The following THSD7A variants were observed in gnomAD, a reference collection of about 807,000 sequenced individuals.
The protein encoded by THSD7A is thrombospondin type 1 domain containing 7A.
Under a neutral mutation model 231.3 loss-of-function variants are expected in THSD7A, and 96 were observed. The ratio of observed to expected loss-of-function variants is 0.41; its 90% CI spans 0.35 to 0.49. The LOEUF (loss-of-function observed/expected upper bound fraction) is 0.49, where lower values mean the gene tolerates loss of function less well. Among genes scored for constraint, THSD7A ranks in the 20% least tolerant of loss-of-function variants. The probability of loss-of-function intolerance (pLI) is 0.05; values close to 1 mark genes in which losing one functional copy is unlikely to be tolerated. For synonymous variants in THSD7A, 940 were observed against 743.3 expected (o/e 1.26, Z -4.30); for missense variants, 2,290 against 2,070.2 (o/e 1.11, Z -2.06).
intron 1 of THSD7A, among the ~76,000 whole-genome samples, chr7:11,683,120 C>CAA (rs71027424): frequency 0.053 from 5,229 of 99,494 alleles, 345 homozygotes; most frequent in African/African-American, 0.17. Context: ...GACTCCATCT[C>CAA]AAAAAAAAAA....
chr7:11,666,946 A>G (rs1783158356), intron 1 of THSD7A, among the ~76,000 whole-genome samples: 1 of 152,154 alleles, frequency 6.6e-6, no homozygotes, highest in South Asian at 2.1e-4. Context: ...TAAAATGTAT[A>G]CAGTTATCCA....
intron 4 of THSD7A, among the ~76,000 whole-genome samples, chr7:11,577,544 T>C (rs1372115709): frequency 6.6e-6 from 1 of 151,878 alleles, no homozygotes; most frequent in Non-Finnish European, 1.5e-5. Flanking sequence ...CTTGAACTCC[T>C]GGCTTCAAGT....
At chr7:11,727,786 T>A (rs1781598378) in intron 1 of THSD7A, among the ~76,000 whole-genome samples, 1 of 152,048 alleles carries the variant, frequency 6.6e-6, no homozygotes, top group Admixed American at 6.6e-5. Context: ...ATAAGATTAA[T>A]ATTTCTCTGA....
At chr7:11,656,235 A>G (rs578086537) in intron 1 of THSD7A, among the ~76,000 whole-genome samples, 5 of 152,046 alleles carry the variant, frequency 3.3e-5, no homozygotes, top group African/African-American at 9.6e-5. Context: ...TGCATGACAA[A>G]TGCTTTACAT....
chr7:11,562,017 C>T (rs1366234140), intron 4 of THSD7A, among the ~76,000 whole-genome samples: 6 of 152,148 alleles, frequency 3.9e-5, no homozygotes, highest in Non-Finnish European at 5.9e-5. Flanking sequence ...CACCCAACTC[C>T]TGGAAGTCTA....
chr7:11,390,881 G>A (rs1782954222), intron 23 of THSD7A, among the ~76,000 whole-genome samples: 1 of 152,244 alleles, frequency 6.6e-6, no homozygotes. Context: ...GAGTTTTCTG[G>A]AGGTCCACTC....
At chr7:11,450,607 C>A (rs944465153) in intron 11 of THSD7A, among the ~76,000 whole-genome samples, 1 of 152,002 alleles carries the variant, frequency 6.6e-6, no homozygotes, top group African/African-American at 2.4e-5. Context: ...AGGAAACCAT[C>A]TGGTCTCTCA....
chr7:11,464,334 G>C (rs1180814574), intron 9 of THSD7A, among the ~76,000 whole-genome samples: 3 of 152,032 alleles, frequency 2.0e-5, no homozygotes, highest in Non-Finnish European at 4.4e-5. Context: ...CCAATCTGCA[G>C]ATAGAGGACA....
intron 1 of THSD7A, among the ~76,000 whole-genome samples, chr7:11,765,470 A>G (rs189036763): frequency 8.7e-4 from 133 of 152,344 alleles, no homozygotes; most frequent in African/African-American, 3.1e-3. Context: ...GTACAGGTCA[A>G]AAGCAACAAA....
intron 1 of THSD7A, among the ~76,000 whole-genome samples, chr7:11,830,183 C>T (rs1025783565): frequency 6.6e-6 from 1 of 152,200 alleles, no homozygotes; most frequent in Non-Finnish European, 1.5e-5. Context: ...CCTACCATGA[C>T]ATTTATGATG....
chr7:11,595,744 C>T (rs183065142), intron 2 of THSD7A, among the ~76,000 whole-genome samples: 2 of 152,192 alleles, frequency 1.3e-5, no homozygotes, highest in African/African-American at 2.4e-5. Flanking sequence ...TATGTCAGAT[C>T]TAACAGTGGA....
At chr7:11,769,421 G>T (rs1783155555) in intron 1 of THSD7A, among the ~76,000 whole-genome samples, 1 of 151,634 alleles carries the variant, frequency 6.6e-6, no homozygotes. Context: ...CCTTGGCTGG[G>T]ACTTAAGGCA....
At chr7:11,790,161 GAA>G (rs1232667967) in intron 1 of THSD7A, among the ~76,000 whole-genome samples, 1 of 151,954 alleles carries the variant, frequency 6.6e-6, no homozygotes, top group Non-Finnish European at 1.5e-5. Flanking sequence ...TATTGAAGCT[GAA>G]AGTGTTGAAA....
intron 23 of THSD7A, among the ~76,000 whole-genome samples, chr7:11,397,685 A>G (rs149205975): frequency 1.7e-3 from 257 of 152,356 alleles, no homozygotes; most frequent in East Asian, 0.014. Context: ...TCCAGAATCT[A>G]CAAAGAACTT....
Position 11,590,156 on chromosome 7 carries a change from T to C in THSD7A, c.1453+304A>G, listed in dbSNP as rs78229799. Among the ~76,000 whole-genome samples the C allele has an allele frequency of 0.01, 1,583 of 152,340 alleles. 29 individuals carry two copies. The highest frequency in any genetic ancestry group is 0.036 in the African/African-American group (1,487 of 41,580). Reference sequence around the variant, plus strand: ...TGCATGATATGTGTATATTTACAGATAAATTTTCGTCTAGTTTTTACATTA... The same window carrying C: ...TGCATGATATGTGTATATTTACAGACAAATTTTCGTCTAGTTTTTACATTA... On this transcript the variant is annotated intron_variant, in intron 4 of 27. Coordinates refer to ENST00000423059, the MANE Select transcript of THSD7A (RefSeq NM_015204.3). The surrounding 1 kb of genome is among the most constrained non-coding windows in gnomAD (Gnocchi z 4.4).
chr7:11,653,563 A>G (rs1290737739), intron 1 of THSD7A, among the ~76,000 whole-genome samples: 1 of 150,134 alleles, frequency 6.7e-6, no homozygotes, highest in African/African-American at 2.5e-5. Context: ...CACAGGTGCA[A>G]TCATAGCACG....
chr7:11,657,143 G>T (rs1404816324), intron 1 of THSD7A, among the ~76,000 whole-genome samples: 1 of 151,712 alleles, frequency 6.6e-6, no homozygotes, highest in African/African-American at 2.4e-5. Flanking sequence ...TATTAATATT[G>T]AATATGTATA....
intron 6 of THSD7A, among the ~76,000 whole-genome samples, chr7:11,524,885 G>A (rs554496139): frequency 6.6e-6 from 1 of 152,132 alleles, no homozygotes; most frequent in African/African-American, 2.4e-5. Flanking sequence ...AAAAAGAAAG[G>A]CTTTTTGTTC....
At chr7:11,502,385 T>A (rs1198437879) in intron 6 of THSD7A, among the ~76,000 whole-genome samples, 1 of 152,026 alleles carries the variant, frequency 6.6e-6, no homozygotes, top group East Asian at 1.9e-4. Context: ...CAACTAACCT[T>A]AGCAAAATAC....
Sources: allele counts gnomAD v4.1 joint callset (sites outside exome capture counted in the v4.1 genomes callset), GRCh38; gene constraint gnomAD v4.1.1; non-coding constraint Gnocchi (gnomAD v3.1); transcripts MANE v1.5; gene names NCBI Gene and HGNC (gene_info 2026-07-23, HGNC 2026-07-21).